Variants in DNAAF11 observed in about 807,000 individuals in gnomAD.
DNAAF11 encodes the protein dynein axonemal assembly factor 11, also known as leucine rich repeat containing 6.
A neutral mutation model predicts 60.8 loss-of-function variants in DNAAF11; 45 were observed. The ratio of observed to expected loss-of-function variants is 0.74; its 90% CI spans 0.58 to 0.95. The LOEUF (loss-of-function observed/expected upper bound fraction) is 0.95. DNAAF11 is among the 40% of genes least tolerant of loss of function. DNAAF11 has a pLI of 0.00. For synonymous variants in DNAAF11, 191 were observed against 183.5 expected, an observed-to-expected ratio of 1.04 and a Z score of -0.33; for missense variants, 546 against 546.2, an observed-to-expected ratio of 1.00 and a Z score of 0.00.
chr8:132,577,282 C>G (rs1405104983), intron 11 of DNAAF11, among the ~76,000 whole-genome samples: 1 of 152,174 alleles, frequency 6.6e-6, no homozygotes, highest in African/African-American at 2.4e-5. Context: ...AAGATGCTAA[C>G]CTGGGGTCTT....
At chr8:132,599,011 A>G (rs1300648376) in intron 10 of DNAAF11, among the ~76,000 whole-genome samples, 1 of 152,186 alleles carries the variant, frequency 6.6e-6, no homozygotes, top group East Asian at 1.9e-4. Context: ...GATCAACAAC[A>G]TTGATAGACC....
intron 10 of DNAAF11, among the ~76,000 whole-genome samples, chr8:132,594,957 G>A (rs1316883366): frequency 6.6e-6 from 1 of 152,016 alleles, no homozygotes; most frequent in African/African-American, 2.4e-5. Context: ...GAGATCTGAT[G>A]GTTTGATAAA....
the DNAAF11 span, among the ~76,000 whole-genome samples, chr8:132,693,466 T>G: frequency 1.3e-5 from 2 of 151,710 alleles, no homozygotes; most frequent in South Asian, 4.2e-4. Flanking sequence ...TGTGTGTGTG[T>G]GTGTGCGTGT....
intron 5 of DNAAF11, among the ~76,000 whole-genome samples, chr8:132,625,932 C>G (rs1820227537): frequency 6.6e-6 from 1 of 152,328 alleles, no homozygotes; most frequent in East Asian, 1.9e-4. Flanking sequence ...GTCAATTACA[C>G]TCTCCACACT....
intron 11 of DNAAF11, 37 bp from the exon 12 acceptor site, chr8:132,572,517 T>C: frequency 1.4e-6 from 2 of 1,471,552 alleles, no homozygotes; most frequent in Non-Finnish European, 1.8e-6. Context: ...AAACTGATAC[T>C]ACATCATTTA....
intron 11 of DNAAF11, among the ~76,000 whole-genome samples, chr8:132,573,624 G>A (rs970889900): frequency 9.9e-5 from 15 of 152,052 alleles, no homozygotes; most frequent in African/African-American, 3.4e-4. Context: ...AATTATCTCT[G>A]ACCTAAAGAA....
At chr8:132,588,907 A>G (rs1339275685) in intron 10 of DNAAF11, among the ~76,000 whole-genome samples, 1 of 152,030 alleles carries the variant, frequency 6.6e-6, no homozygotes, top group East Asian at 1.9e-4. Flanking sequence ...GGTGCCACAC[A>G]CTTTCAGACC....
At chr8:132,648,703 T>C (rs946687348) in intron 3 of DNAAF11, among the ~76,000 whole-genome samples, 4 of 152,134 alleles carry the variant, frequency 2.6e-5, no homozygotes, top group Middle Eastern at 3.2e-3. Flanking sequence ...ACAAGCATTC[T>C]TATACACCAA....
rs1165477915 is a variant in DNAAF11 at position 132,621,895 on chromosome 8, A to AC, written c.914+715dup. Among the ~76,000 whole-genome samples the AC allele has an allele frequency of 4.6e-5, 7 of 152,328 alleles. No individual in the cohort carries two copies. In the South Asian group the frequency reaches 1.0e-3, roughly 23 times the overall value. On this transcript the variant is annotated intron_variant, in intron 7 of 11. Transcript: ENST00000620350. ...TTTACCACCTGTGACTGCTGTGAAG[A>AC]CAAATGATGCCCAGGAATAATTCAG...
the DNAAF11 span, among the ~76,000 whole-genome samples, chr8:132,684,564 A>T: frequency 6.6e-6 from 1 of 152,130 alleles, no homozygotes; most frequent in Non-Finnish European, 1.5e-5. Context: ...AAAATCCCCA[A>T]CCTAAGACTA....
At chr8:132,610,663 G>T (rs564497556) in intron 9 of DNAAF11, among the ~76,000 whole-genome samples, 1 of 152,210 alleles carries the variant, frequency 6.6e-6, no homozygotes, top group Non-Finnish European at 1.5e-5. Flanking sequence ...AACTTAGAAT[G>T]GGTGTACAAT....
intron 10 of DNAAF11, among the ~76,000 whole-genome samples, chr8:132,603,510 G>T (rs984100124): frequency 6.6e-6 from 1 of 151,910 alleles, no homozygotes; most frequent in Non-Finnish European, 1.5e-5. Context: ...CCTACTAAAA[G>T]GTTAAATAAG....
At chr8:132,631,274 C>CT (rs1301606534) in intron 5 of DNAAF11, among the ~76,000 whole-genome samples, 1 of 152,170 alleles carries the variant, frequency 6.6e-6, no homozygotes, top group Non-Finnish European at 1.5e-5. Context: ...TGTGTCCAGG[C>CT]TGACCAGCTG....
At chr8:132,620,361 G>T (rs1819627304) in intron 7 of DNAAF11, among the ~76,000 whole-genome samples, 1 of 152,128 alleles carries the variant, frequency 6.6e-6, no homozygotes, top group African/African-American at 2.4e-5. Context: ...TTGAGACAGG[G>T]TCTTACTCTG....
intron 1 of DNAAF11, among the ~76,000 whole-genome samples, chr8:132,666,895 C>T (rs1824690117): frequency 6.6e-6 from 1 of 152,124 alleles, no homozygotes; most frequent in Admixed American, 6.5e-5. Flanking sequence ...TGGCAAGCTT[C>T]CTATCTTCAG....
chr8:132,636,901 A>G (rs1821354120), intron 4 of DNAAF11, among the ~76,000 whole-genome samples: 1 of 152,226 alleles, frequency 6.6e-6, no homozygotes, highest in Non-Finnish European at 1.5e-5. Context: ...ACTGCAGAGA[A>G]CACAGAAGTC....
chr8:132,697,313 T>G, the DNAAF11 span, among the ~76,000 whole-genome samples: 4 of 152,216 alleles, frequency 2.6e-5, no homozygotes, highest in African/African-American at 9.6e-5. Flanking sequence ...GAATGTTACC[T>G]TGTATAAATC....
intron 9 of DNAAF11, among the ~76,000 whole-genome samples, chr8:132,610,611 A>G (rs1818566005): frequency 6.6e-6 from 1 of 152,214 alleles, no homozygotes; most frequent in African/African-American, 2.4e-5. Context: ...ATGGTATTTT[A>G]GAAATAATAA....
chr8:132,656,209 G>A (rs1292199078), intron 3 of DNAAF11, among the ~76,000 whole-genome samples: 1 of 152,070 alleles, frequency 6.6e-6, no homozygotes. Context: ...TTGTAGGGAA[G>A]AAACTAATTT....
Sources: allele counts gnomAD v4.1 joint callset (sites outside exome capture counted in the v4.1 genomes callset), GRCh38; gene constraint gnomAD v4.1.1; transcripts MANE v1.5; gene names NCBI Gene and HGNC (gene_info 2026-07-23, HGNC 2026-07-21).